The following RBM4 variants were observed in gnomAD, a reference collection of about 807,000 sequenced individuals.
The protein encoded by RBM4 is RNA-binding protein 4.
A neutral mutation model predicts 29.5 loss-of-function variants in RBM4; 7 were observed. The observed-to-expected ratio is 0.24, with a 90% confidence interval of 0.14 to 0.45. RBM4 has a LOEUF of 0.45. Among genes scored for constraint, RBM4 ranks in the 20% least tolerant of loss-of-function variants. RBM4 has a pLI of 1.00. For synonymous variants in RBM4, 220 were observed against 205.4 expected, an observed-to-expected ratio of 1.07 and a Z score of -0.61; for missense variants, 387 against 502.3, an observed-to-expected ratio of 0.77 and a Z score of 2.19.
At chr11:66,642,654 T>C (rs1938518367) in intron 2 of RBM4, among the ~76,000 whole-genome samples, 1 of 152,216 alleles carries the variant, frequency 6.6e-6, no homozygotes, top group South Asian at 2.1e-4. Flanking sequence ...TTCTCCACTT[T>C]CCTCAGGCAC....
exon 3 of RBM4, chr11:66,666,144 T>G: frequency 1.4e-6 from 1 of 740,636 alleles, no homozygotes; most frequent in Non-Finnish European, 2.0e-6. Context: ...ACAGTTCCAG[T>G]AGTTCCCCTA....
Position 66,654,465 on chromosome 11 carries a change from C to T in RBM4, c.413-11391C>T, listed in dbSNP as rs1037815689. Among the ~76,000 whole-genome samples, 5 of 151,920 alleles carry T rather than the reference C, an allele frequency of 3.3e-5. No individual in the cohort carries two copies. In the East Asian group the frequency reaches 5.8e-4, roughly 18 times the overall value. ...GAGTCGAGATAGTGCCACTGCAGTC[C>T]GGCCTGGGTGACAGAGTGAGACTCC... On this transcript the variant is annotated intron_variant, in intron 2 of 2. Coordinates refer to the RBM4 transcript ENST00000396053.
Position 66,644,012 on chromosome 11 carries a change from C to T in RBM4, c.975C>T (p.Tyr325=), listed in dbSNP as rs1454755289. The part of the protein sequence containing the change: ...TAPVPTVGEG[Y]GYGHESELSQ... ...CAGTCCCCACTGTTGGAGAGGGCTA[C>T]GGTTACGGGCATGAGAGTGAGTTGT... is the stretch of plus-strand genomic sequence containing the variant. The change falls in exon 3 of 4, where the codon TAC becomes TAT. Residue 325 remains tyrosine, a synonymous_variant. Coordinates refer to ENST00000310092, the MANE Select transcript of RBM4 (RefSeq NM_002896.4). 4 of 1,613,484 alleles carry T rather than the reference C, an allele frequency of 2.5e-6. No individual in the cohort carries two copies. The highest frequency in any genetic ancestry group is 3.4e-6 in the Non-Finnish European group (4 of 1,180,010).
chr11:66,645,089 T>C (rs1296409801), intron 3 of RBM4, among the ~76,000 whole-genome samples: 1 of 152,142 alleles, frequency 6.6e-6, no homozygotes, highest in African/African-American at 2.4e-5. Flanking sequence ...ATCACTCCCT[T>C]CTTCATCTTC....
intron 2 of RBM4, among the ~76,000 whole-genome samples, chr11:66,641,503 T>G (rs928629097): frequency 3.3e-5 from 5 of 152,280 alleles, no homozygotes; most frequent in Admixed American, 6.5e-5. Context: ...AGAGCAAAGG[T>G]TGCTCTTGTG....
chr11:66,644,333 T>C (rs896637191), intron 3 of RBM4, 193 bp downstream of exon 3: 1 of 751,588 alleles, frequency 1.3e-6, no homozygotes, highest in Non-Finnish European at 2.0e-6. Flanking sequence ...CCCTCATGGC[T>C]ATTTTTCAGG....
chr11:66,639,400 C>G, intron 1 of RBM4: 2 of 384,224 alleles, frequency 5.2e-6, no homozygotes, highest in Non-Finnish European at 9.4e-6. Context: ...GCCTAGTACC[C>G]CCATTTCTTC....
chr11:66,639,498 T>A (rs1938345730), intron 1 of RBM4: 6 of 665,640 alleles, frequency 9.0e-6, no homozygotes, highest in Non-Finnish European at 1.5e-5. Context: ...ATTGCAGACG[T>A]CTTCTTATTC....
At chr11:66,663,759 T>G (rs923331619) in intron 2 of RBM4, among the ~76,000 whole-genome samples, 5 of 152,076 alleles carry the variant, frequency 3.3e-5, no homozygotes, top group Non-Finnish European at 7.4e-5. Context: ...TTTGTAAATA[T>G]GAGCCAGAAA....
At chr11:66,659,417 C>T (rs1340571836) in intron 2 of RBM4, among the ~76,000 whole-genome samples, 2 of 151,714 alleles carry the variant, frequency 1.3e-5, no homozygotes, top group Admixed American at 1.3e-4. Context: ...ACTACAGGCA[C>T]GTGCCACTAC....
At chr11:66,651,588 TC>T (rs1938833382) in intron 2 of RBM4, among the ~76,000 whole-genome samples, 1 of 152,134 alleles carries the variant, frequency 6.6e-6, no homozygotes, top group African/African-American at 2.4e-5. Flanking sequence ...GACCTCTTGA[TC>T]CGCCTGCCTC....
chr11:66,649,592 C>T, downstream of RBM4: 1 of 580,472 alleles, frequency 1.7e-6, no homozygotes. Context: ...TTTTCAACAT[C>T]AATGTATTAT....
intron 2 of RBM4, among the ~76,000 whole-genome samples, chr11:66,664,402 G>A (rs1213669143): frequency 2.6e-5 from 4 of 151,884 alleles, no homozygotes; most frequent in South Asian, 2.1e-4. Flanking sequence ...TGCCTGCCTC[G>A]GTCTCCCAAA....
chr11:66,648,686 C>T (rs577668951), downstream of RBM4, among the ~76,000 whole-genome samples: 111 of 151,734 alleles, frequency 7.3e-4, no homozygotes, highest in African/African-American at 2.2e-3. Context: ...TGGTGGCAGG[C>T]GCCTTAATTG....
intron 2 of RBM4, among the ~76,000 whole-genome samples, chr11:66,641,988 G>C (rs1295771127): frequency 6.6e-6 from 1 of 152,148 alleles, no homozygotes; most frequent in Non-Finnish European, 1.5e-5. Context: ...TTGCTTAGTT[G>C]CACTTGTTTT....
At chr11:66,649,249 C>T (rs368902740), downstream of RBM4, among the ~76,000 whole-genome samples, 4 of 152,202 alleles carry the variant, frequency 2.6e-5, no homozygotes, top group East Asian at 7.7e-4. Flanking sequence ...AGTGATCCGC[C>T]TGCCTCCTAA....
At chr11:66,646,587 T>C (rs1565083262), downstream of RBM4, 4 of 980,288 alleles carry the variant, frequency 4.1e-6, no homozygotes, top group Admixed American at 1.2e-4. Flanking sequence ...ACTGTAGTTA[T>C]TTTGTTTATT....
chr11:66,653,690 A>G (rs1938881585), intron 2 of RBM4, among the ~76,000 whole-genome samples: 1 of 152,202 alleles, frequency 6.6e-6, no homozygotes, highest in Admixed American at 6.5e-5. Flanking sequence ...GTAAGAATAC[A>G]GTATACATAT....
intron 2 of RBM4, chr11:66,665,159 A>G (rs1939178044): frequency 5.9e-6 from 1 of 168,396 alleles, no homozygotes; most frequent in African/African-American, 2.4e-5. Context: ...CAATTTCAGA[A>G]GAGTAACTTA....
Sources: gnomAD v4.1 joint callset for allele counts (sites outside exome capture counted in the v4.1 genomes callset) on GRCh38, gnomAD v4.1.1 for gene constraint, MANE v1.5 for transcripts, NCBI Gene and HGNC (gene_info 2026-07-23, HGNC 2026-07-21) for gene names.